The following PTPRD variants were observed in gnomAD, a reference collection of about 807,000 sequenced individuals.
The protein encoded by PTPRD is protein tyrosine phosphatase receptor type D.
In PTPRD, 34 loss-of-function variants were observed where a neutral mutation model predicts 214.5. The observed-to-expected ratio is 0.16, with a 90% CI of 0.12 to 0.21. The LOEUF is 0.21. Among genes scored for constraint, PTPRD ranks in the 10% least tolerant of loss-of-function variants. The pLI is 1.00. For missense variants in PTPRD, 2,545 were observed against 2,398.7 expected (o/e 1.06, Z -1.27); for synonymous variants, 1,128 against 845.7 (o/e 1.33, Z -5.79).
chr9:9,208,105 C>T (rs889201251), intron 9 of PTPRD, among the ~76,000 whole-genome samples: 1 of 141,038 alleles, frequency 7.1e-6, no homozygotes. Context: ...AGCTCCGCCT[C>T]CCGTGTTCAT....
chr9:9,319,491 T>C (rs1965289507), intron 9 of PTPRD, among the ~76,000 whole-genome samples: 1 of 152,188 alleles, frequency 6.6e-6, no homozygotes, highest in Non-Finnish European at 1.5e-5. Flanking sequence ...ACAGCATTTG[T>C]TAGTTTCAGA....
intron 5 of PTPRD, among the ~76,000 whole-genome samples, chr9:9,891,467 G>A (rs976615898): frequency 6.6e-6 from 1 of 150,988 alleles, no homozygotes. Flanking sequence ...CTAACATATA[G>A]ACCATTATTT....
chr9:8,460,591 A>T lies in PTPRD; in HGVS notation c.3715-20T>A. On this transcript the variant is annotated intron_variant, in intron 32 of 45. Coordinates refer to ENST00000381196, the MANE Select transcript of PTPRD (RefSeq NM_002839.4). ...CATCTTCTGAGGAAAAGCAGAGTCT[A>T]TTTCAGTTATAAAATAATGACTTTC... 1 of 1,599,920 alleles carries T rather than the reference A, an allele frequency of 6.3e-7. No homozygotes were observed. Among genetic ancestry groups the T allele is most frequent in the Non-Finnish European group, 8.5e-7 (1 of 1,175,470 alleles).
intron 2 of PTPRD, among the ~76,000 whole-genome samples, chr9:10,413,142 G>T (rs1026148408): frequency 3.3e-5 from 5 of 151,826 alleles, no homozygotes; most frequent in Admixed American, 2.0e-4. Flanking sequence ...GATATAAAAA[G>T]AATCCATATA....
intron 3 of PTPRD, among the ~76,000 whole-genome samples, chr9:10,336,768 C>T (rs1430439921): frequency 6.6e-6 from 1 of 151,478 alleles, no homozygotes; most frequent in East Asian, 1.9e-4. Flanking sequence ...AAACAAAATA[C>T]TAAGGGGACA....
intron 5 of PTPRD, among the ~76,000 whole-genome samples, chr9:9,898,980 T>C (rs2075735669): frequency 6.6e-6 from 1 of 152,070 alleles, no homozygotes; most frequent in Non-Finnish European, 1.5e-5. Context: ...ATTATCTACA[T>C]AACAAATCCC....
intron 12 of PTPRD, among the ~76,000 whole-genome samples, chr9:8,643,098 C>CAA (rs150262835): frequency 6.6e-6 from 1 of 151,888 alleles, no homozygotes; most frequent in African/African-American, 2.4e-5. Context: ...AACAGACTTT[C>CAA]AAAAAAATTG....
intron 6 of PTPRD, among the ~76,000 whole-genome samples, chr9:9,737,644 C>T (rs958490512): frequency 6.6e-6 from 1 of 152,030 alleles, no homozygotes; most frequent in Admixed American, 6.6e-5. Context: ...TTTTAAAGTC[C>T]ATTTATACTG....
In PTPRD at chr9:10,574,597, T is replaced by G. The variant is rs1160820057; in HGVS notation, c.-600+37801A>C. Reference sequence around the variant, plus strand: ...GGGAAAGTTTATGATTCAAATACATTTGTGGGTTAATGTTCATTAAGATTT... The same window carrying G: ...GGGAAAGTTTATGATTCAAATACATGTGTGGGTTAATGTTCATTAAGATTT... On this transcript the variant is annotated intron_variant, in intron 2 of 45. Transcript: ENST00000381196. Among the ~76,000 whole-genome samples, 2 of 151,958 alleles carry G rather than the reference T, an allele frequency of 1.3e-5. 1 individual carries two copies. The highest frequency in any genetic ancestry group is 4.1e-4 in the South Asian group (2 of 4,826).
chr9:10,442,788 G>T (rs1159186751), intron 2 of PTPRD, among the ~76,000 whole-genome samples: 2 of 151,422 alleles, frequency 1.3e-5, no homozygotes, highest in Admixed American at 6.6e-5. Context: ...AGTTAAAACT[G>T]GTAGTATTAT....
chr9:10,597,432 G>A (rs77666104), intron 2 of PTPRD, among the ~76,000 whole-genome samples: 4,438 of 151,784 alleles, frequency 0.029, 126 homozygotes, highest in East Asian at 0.073. Flanking sequence ...TTAATGTAAT[G>A]ATTCACCATT....
chr9:9,854,093 ACTC>A (rs2061072471), intron 5 of PTPRD, among the ~76,000 whole-genome samples: 1 of 151,960 alleles, frequency 6.6e-6, no homozygotes, highest in Non-Finnish European at 1.5e-5. Context: ...ATCACCACTT[ACTC>A]CTCCTATCTA....
intron 3 of PTPRD, among the ~76,000 whole-genome samples, chr9:10,123,009 G>C (rs574195785): frequency 3.2e-4 from 48 of 152,342 alleles, no homozygotes; most frequent in African/African-American, 1.1e-3. Context: ...CACATCTGCT[G>C]ATGAGGCTGT....
intron 4 of PTPRD, 50 bp from the exon 5 acceptor site, chr9:9,938,660 A>G (rs1459524156): frequency 2.6e-5 from 4 of 152,136 alleles, no homozygotes; most frequent in Admixed American, 1.3e-4. Context: ...TTGAAGCACA[A>G]TAAGATATTC....
chr9:10,486,020 C>T (rs2099130625), intron 2 of PTPRD, among the ~76,000 whole-genome samples: 1 of 134,652 alleles, frequency 7.4e-6, no homozygotes, highest in African/African-American at 2.7e-5. Context: ...CTTTTTCCCA[C>T]TTTTTGATGT....
At chr9:8,539,072 T>C (rs1409295020) in intron 14 of PTPRD, among the ~76,000 whole-genome samples, 2 of 152,018 alleles carry the variant, frequency 1.3e-5, no homozygotes, top group African/African-American at 4.8e-5. Flanking sequence ...GGGGCTCTTA[T>C]TGACCAAATA....
intron 3 of PTPRD, among the ~76,000 whole-genome samples, chr9:10,098,798 A>C (rs979038367): frequency 3.9e-5 from 6 of 151,912 alleles, no homozygotes; most frequent in East Asian, 1.9e-4. Context: ...TTGAATGGCA[A>C]AGACATGCAG....
chr9:9,014,656 G>C (rs966829795), intron 11 of PTPRD, among the ~76,000 whole-genome samples: 6 of 152,098 alleles, frequency 3.9e-5, no homozygotes, highest in Non-Finnish European at 7.4e-5. Flanking sequence ...TTATCAAGCA[G>C]TATATTTACA....
intron 14 of PTPRD, among the ~76,000 whole-genome samples, chr9:8,539,768 T>C (rs1478346241): frequency 6.6e-6 from 1 of 152,042 alleles, no homozygotes; most frequent in Admixed American, 6.6e-5. Flanking sequence ...AAAACTATCA[T>C]GGTCAGAAAT....
Sources: gnomAD v4.1 joint callset for allele counts (sites outside exome capture counted in the v4.1 genomes callset) on GRCh38, gnomAD v4.1.1 for gene constraint, MANE v1.5 for transcripts, NCBI Gene and HGNC (gene_info 2026-07-23, HGNC 2026-07-21) for gene names.